PACRG: variants seen among roughly 807,000 people sequenced by gnomAD.
PACRG encodes parkin coregulated gene protein.
Under a neutral mutation model 29.7 loss-of-function variants are expected in PACRG, and 29 were observed. The ratio of observed to expected loss-of-function variants is 0.98; its 90% CI spans 0.73 to 1.33. The LOEUF is 1.33. Among genes scored for constraint, PACRG ranks in the 40% most tolerant of loss-of-function variants. PACRG has a pLI of 0.00. For synonymous variants in PACRG, 116 were observed against 118.7 expected (o/e 0.98, Z 0.15); for missense variants, 279 against 316.2 (o/e 0.88, Z 0.89).
intron 1 of PACRG, among the ~76,000 whole-genome samples, chr6:162,769,297 C>T (rs1009596347): frequency 2.1e-5 from 3 of 144,348 alleles, no homozygotes; most frequent in Admixed American, 6.7e-5. Context: ...TTATTTTGTT[C>T]AGCCACTGGG....
chr6:163,157,649 G>C (rs745753995), intron 4 of PACRG, among the ~76,000 whole-genome samples: 1 of 152,332 alleles, frequency 6.6e-6, no homozygotes, highest in Non-Finnish European at 1.5e-5. Context: ...CAGTTATCCA[G>C]CCAGCTGAGG....
At chr6:163,148,657 C>T (rs746983498) in intron 4 of PACRG, among the ~76,000 whole-genome samples, 5 of 152,120 alleles carry the variant, frequency 3.3e-5, no homozygotes, top group African/African-American at 4.8e-5. Flanking sequence ...AGTGACACAG[C>T]TTTTCTCTGC....
chr6:163,307,150 C>G (rs530288082), intron 4 of PACRG, among the ~76,000 whole-genome samples: 1 of 152,130 alleles, frequency 6.6e-6, no homozygotes, highest in Non-Finnish European at 1.5e-5. Flanking sequence ...TTGTCATTGT[C>G]TATGTGAGGG....
chr6:162,807,220 C>T (rs769023600), intron 1 of PACRG, among the ~76,000 whole-genome samples: 23 of 152,170 alleles, frequency 1.5e-4, no homozygotes, highest in Non-Finnish European at 2.5e-4. Flanking sequence ...AAACTTTTTC[C>T]GTATCAGCAA....
chr6:163,136,241 GC>G (rs1816933064), intron 4 of PACRG, among the ~76,000 whole-genome samples: 1 of 152,050 alleles, frequency 6.6e-6, no homozygotes, highest in South Asian at 2.1e-4. Flanking sequence ...TCCCTGCTCT[GC>G]CTCTCTCTGA....
At position 162,949,181 on chromosome 6, in the gene PACRG, T is replaced by A. The variant is rs142794273; in HGVS notation, c.292-112969T>A. Reference sequence around the variant, plus strand: ...GGAATACTATTCAGCCTTAAAAAAATTGAAATCATGTCATTTGCAGCAACA... The same window carrying A: ...GGAATACTATTCAGCCTTAAAAAAAATGAAATCATGTCATTTGCAGCAACA... On this transcript the variant is annotated intron_variant, in intron 2 of 4. Transcript: ENST00000366888. Among the ~76,000 whole-genome samples, 1,199 of 152,228 alleles carry A rather than the reference T, an allele frequency of 7.9e-3. 26 individuals are homozygous for A. Among genetic ancestry groups the A allele is most frequent in the African/African-American group, 0.027 (1,138 of 41,532 alleles).
chr6:163,265,994 C>CA (rs1783518384), intron 4 of PACRG, among the ~76,000 whole-genome samples: 1 of 152,228 alleles, frequency 6.6e-6, no homozygotes, highest in Admixed American at 6.5e-5. Context: ...ATTCTGTCAA[C>CA]ACTTTCCAAT....
intron 1 of PACRG, among the ~76,000 whole-genome samples, chr6:162,792,046 G>A (rs1040994292): frequency 1.3e-5 from 2 of 152,120 alleles, no homozygotes; most frequent in Admixed American, 1.3e-4. Context: ...GGAGGTTTGA[G>A]GAGAGAATGA....
intron 1 of PACRG, among the ~76,000 whole-genome samples, chr6:162,801,824 A>T (rs538389044): frequency 2.6e-5 from 4 of 152,182 alleles, no homozygotes; most frequent in African/African-American, 9.6e-5. Context: ...TATAAAATTT[A>T]TAGAAAATTC....
chr6:162,995,462 G>T (rs958967877), intron 2 of PACRG, among the ~76,000 whole-genome samples: 1 of 152,116 alleles, frequency 6.6e-6, no homozygotes, highest in Non-Finnish European at 1.5e-5. Flanking sequence ...TTTTTAAGCC[G>T]GTCTGAAAAG....
In PACRG at chr6:163,073,514, T is replaced by G. The variant is rs201095279; in HGVS notation, c.463+11193T>G. Reference sequence around the variant, plus strand: ...ACATTGGGGAAAATCTCCAGGACATTGGTCTGGGCAAAAATTTCTTGAACA... The same window carrying G: ...ACATTGGGGAAAATCTCCAGGACATGGGTCTGGGCAAAAATTTCTTGAACA... On this transcript the variant is annotated intron_variant, in intron 3 of 4. Coordinates refer to ENST00000366888, the MANE Select transcript of PACRG (RefSeq NM_001080379.2). Among the ~76,000 whole-genome samples the G allele has an allele frequency of 1.2e-4, 19 of 152,344 alleles. No individual in the cohort carries two copies. In the East Asian group the frequency reaches 3.7e-3, roughly 29 times the overall value.
At chr6:163,105,479 AG>A (rs1815331386) in intron 4 of PACRG, among the ~76,000 whole-genome samples, 3 of 152,160 alleles carry the variant, frequency 2.0e-5, no homozygotes. Context: ...TTCCATTTGA[AG>A]CTGCAAAGGT....
At chr6:162,888,907 C>A (rs1429489046) in intron 2 of PACRG, among the ~76,000 whole-genome samples, 1 of 152,162 alleles carries the variant, frequency 6.6e-6, no homozygotes, top group Non-Finnish European at 1.5e-5. Context: ...GACAGGAATT[C>A]ACAAGGAAAG....
chr6:163,119,410 C>T (rs539114742), intron 4 of PACRG, among the ~76,000 whole-genome samples: 12 of 152,244 alleles, frequency 7.9e-5, no homozygotes, highest in Admixed American at 2.6e-4. Context: ...GTGAGTGTGA[C>T]GTAAATAGTA....
chr6:163,086,752 C>T (rs1813596948), intron 3 of PACRG, among the ~76,000 whole-genome samples: 1 of 152,052 alleles, frequency 6.6e-6, no homozygotes, highest in South Asian at 2.1e-4. Flanking sequence ...CGGTTTAGTT[C>T]AAACTAGCCA....
In PACRG at chr6:163,112,089, G is replaced by A. The variant is rs536344719; in HGVS notation, c.613+22681G>A. 3.0e-5 allele frequency: 28 copies of A among 937,740 alleles called. No individual in the cohort carries two copies. The East Asian group carries it at 2.4e-3, about 82-fold the overall frequency. 58.1% of individuals were successfully genotyped at this position (937,740 alleles called of 1,614,324 possible). A position where few individuals can be genotyped will look rare whatever the true frequency, so the allele number is the denominator to read the frequency against. On this transcript the variant is annotated intron_variant, in intron 4 of 4. Transcript: ENST00000366888. ...TTTAAAAGCAAGGCATTGAGGGAAA[G>A]GATTCTGGGAAGATGGTAGAGTAAA...
chr6:162,759,644 G>A (rs1169704735), intron 1 of PACRG, among the ~76,000 whole-genome samples: 1 of 152,110 alleles, frequency 6.6e-6, no homozygotes, highest in African/African-American at 2.4e-5. Context: ...AATATACTTT[G>A]GGGTACAAGA....
At chr6:163,177,944 A>C (rs967446352) in intron 4 of PACRG, among the ~76,000 whole-genome samples, 2 of 151,972 alleles carry the variant, frequency 1.3e-5, no homozygotes, top group Admixed American at 1.3e-4. Flanking sequence ...CACCACAGGC[A>C]CAAATCTGCT....
At chr6:162,767,816 T>C (rs1427140095) in intron 1 of PACRG, among the ~76,000 whole-genome samples, 1 of 152,012 alleles carries the variant, frequency 6.6e-6, no homozygotes, top group Non-Finnish European at 1.5e-5. Context: ...TTCTATTCTT[T>C]TAGCCATTAT....
Sources: gnomAD v4.1 joint callset for allele counts (sites outside exome capture counted in the v4.1 genomes callset) on GRCh38, gnomAD v4.1.1 for gene constraint, MANE v1.5 for transcripts, NCBI Gene and HGNC (gene_info 2026-07-23, HGNC 2026-07-21) for gene names.